IKZF3: variants seen among roughly 807,000 people sequenced by gnomAD.
IKZF3 encodes IKAROS family zinc finger 3, also known as zinc finger protein Aiolos.
A neutral mutation model predicts 49.0 loss-of-function variants in IKZF3; 10 were observed. That is an observed-to-expected ratio of 0.20 (90% CI 0.13 to 0.35). The LOEUF (loss-of-function observed/expected upper bound fraction) is 0.35, where lower values mean the gene tolerates loss of function less well. Among genes scored for constraint, IKZF3 ranks in the 10% least tolerant of loss-of-function variants. The pLI is 1.00. For synonymous variants in IKZF3, 209 were observed against 228.2 expected (o/e 0.92, Z 0.76); for missense variants, 498 against 664.8 (o/e 0.75, Z 2.76).
At chr17:39,859,496 T>C (rs950089965) in intron 1 of IKZF3, among the ~76,000 whole-genome samples, 1 of 151,912 alleles carries the variant, frequency 6.6e-6, no homozygotes, top group East Asian at 1.9e-4. Context: ...TCAAGCCATC[T>C]TCCTACCTCA....
In IKZF3 at chr17:39,796,047, A is replaced by T. The variant is rs371270246; in HGVS notation, c.164-3114T>A. Among the ~76,000 whole-genome samples, 10 of 152,158 alleles carry T rather than the reference A, an allele frequency of 6.6e-5. No individual in the cohort carries two copies. In the East Asian group the frequency reaches 9.7e-4, roughly 15 times the overall value. ...ACAGAGCGAGACGCCATCTCAAAAAAGATAAAATAAAATAAAATAAATTAG... is the reference window on the plus strand; with the variant it reads ...ACAGAGCGAGACGCCATCTCAAAAATGATAAAATAAAATAAAATAAATTAG... On this transcript the variant is annotated intron_variant, in intron 3 of 7. Coordinates refer to ENST00000346872, the MANE Select transcript of IKZF3 (RefSeq NM_012481.5).
Position 39,792,884 on chromosome 17 carries a change from A to C in IKZF3, c.213T>G (p.Val71=), listed in dbSNP as rs1182827109. 5.6e-6 allele frequency: 9 copies of C among 1,613,936 alleles called. No homozygotes were observed. The highest frequency in any genetic ancestry group is 7.6e-6 in the Non-Finnish European group (9 of 1,179,968). ...CATTTCCCATGGGTTCTGACTTTAA[A>C]ACATTCTCATCTCTTTCACTGTATT... ...KDEYSERDEN[V]LKSEPMGNAE... is the part of the protein sequence containing the mutation. The change falls in exon 4 of 8, where the codon GTT becomes GTG. Residue 71 remains valine (V), a synonymous_variant. Transcript: ENST00000346872.
intron 1 of IKZF3, chr17:39,835,853 C>A: frequency 1.7e-6 from 1 of 601,726 alleles, no homozygotes; most frequent in Non-Finnish European, 3.2e-6. Flanking sequence ...TCTCTGTATG[C>A]TTACTGATCT....
chr17:39,856,699 G>A (rs935943986), intron 1 of IKZF3, among the ~76,000 whole-genome samples: 16 of 151,716 alleles, frequency 1.1e-4, no homozygotes, highest in Admixed American at 5.9e-4. Flanking sequence ...CCAGCTGCTC[G>A]GGAGGCTGAG....
chr17:39,849,654 GA>G (rs1019564524), intron 1 of IKZF3, among the ~76,000 whole-genome samples: 2 of 150,500 alleles, frequency 1.3e-5, no homozygotes, highest in Admixed American at 1.3e-4. Context: ...TCCGTCTCAG[GA>G]AAAAAAACAA....
Position 39,777,700 on chromosome 17 carries a change from T to A in IKZF3, c.777A>T (p.Leu259Phe). 1 of 1,614,002 alleles carries A rather than the reference T, an allele frequency of 6.2e-7. No homozygotes were observed. The highest frequency in any genetic ancestry group is 8.5e-7 in the Non-Finnish European group (1 of 1,179,954). ...TTTTTCGTTTTGCCACATTGCTTGC[T>A]AATCTGTCCAGTACGAGAGCTCTTT... The part of the protein sequence containing the change: ...GSERALVLDR[L>F]ASNVAKRKSS... Residue 259 changes from leucine (L) to phenylalanine (F), a missense_variant, in exon 7 of 8, where the codon TTA (leucine) becomes TTT (phenylalanine). Physicochemically the swap from Leu to Phe is conservative, Grantham distance 22. Around this residue, in one of 3 missense-constraint regions of IKZF3, gnomAD observed 317 missense variants for 397.3 expected, o/e 0.80. Transcript: ENST00000346872.
Position 39,760,334 on chromosome 17 carries a change from T to C in IKZF3, c.*5456A>G, listed in dbSNP as rs565305279. ...ACCACACCCAGCTAATTTTTGTATT[T>C]TTTTTTTCGAGATGGAGTCTCACTC... is the stretch of plus-strand genomic sequence containing the variant. On this transcript the variant is annotated 3_prime_UTR_variant, in exon 8 of 8. Transcript: ENST00000346872. 6.6e-6 allele frequency: 1 copy of C among 151,922 alleles called. No individual in the cohort carries two copies. The highest frequency in any genetic ancestry group is 1.9e-4 in the East Asian group (1 of 5,170). The allele number at this position is 151,922 out of a possible 1,614,324, so 9.4% of individuals were successfully genotyped here.
Position 39,829,376 on chromosome 17 carries a change from C to G in IKZF3, c.163+11G>C. ...CAGGCATCAGTGTTTAGTCTGCACA[C>G]TACGGCTCACCTCCTATGTCTTCAT... On this transcript the variant is annotated intron_variant, in intron 3 of 7. Transcript: ENST00000346872. 1 of 1,594,492 alleles carries G rather than the reference C, an allele frequency of 6.3e-7. No homozygotes were observed. The highest frequency in any genetic ancestry group is 8.6e-7 in the Non-Finnish European group (1 of 1,162,154).
intron 6 of IKZF3, among the ~76,000 whole-genome samples, chr17:39,785,550 A>C (rs1206693977): frequency 6.6e-6 from 1 of 152,126 alleles, no homozygotes; most frequent in Non-Finnish European, 1.5e-5. Context: ...TGAAATTCCT[A>C]AAAAAGGTTG....
chr17:39,792,498 C>T (rs1228698987), intron 4 of IKZF3, among the ~76,000 whole-genome samples, 175 bp downstream of exon 4: 1 of 152,126 alleles, frequency 6.6e-6, no homozygotes, highest in African/African-American at 2.4e-5. Flanking sequence ...TTGCCAAATG[C>T]ATGGTGAGGC....
At chr17:39,835,205 CTT>C in intron 1 of IKZF3, 2 of 517,738 alleles carry the variant, frequency 3.9e-6, no homozygotes, top group South Asian at 3.0e-5. Context: ...GCATCCCAGA[CTT>C]CAGCTGGCTC....
At chr17:39,838,803 A>C (rs2062378771) in intron 1 of IKZF3, among the ~76,000 whole-genome samples, 1 of 152,098 alleles carries the variant, frequency 6.6e-6, no homozygotes, top group Admixed American at 6.5e-5. Flanking sequence ...TGTGAATTCT[A>C]TATGTTCCTC....
intron 2 of IKZF3, 67 bp downstream of exon 2, chr17:39,832,031 C>A: frequency 8.5e-7 from 1 of 1,180,714 alleles, no homozygotes; most frequent in Non-Finnish European, 1.2e-6. Context: ...AGAATAAGCA[C>A]ATTCCTCTCT....
chr17:39,772,315 A>G (rs931245023), intron 7 of IKZF3, among the ~76,000 whole-genome samples: 1 of 152,136 alleles, frequency 6.6e-6, no homozygotes, highest in African/African-American at 2.4e-5. Flanking sequence ...AATAACAGAA[A>G]TCCAATATTT....
At chr17:39,773,450 G>A (rs1307790532) in intron 7 of IKZF3, among the ~76,000 whole-genome samples, 1 of 152,202 alleles carries the variant, frequency 6.6e-6, no homozygotes, top group African/African-American at 2.4e-5. Context: ...GCTTCCTGTT[G>A]CTGTTAACCA....
intron 3 of IKZF3, among the ~76,000 whole-genome samples, chr17:39,804,155 T>C (rs1397819964): frequency 6.6e-6 from 1 of 152,058 alleles, no homozygotes; most frequent in Non-Finnish European, 1.5e-5. Flanking sequence ...ATTGAATGAA[T>C]GGGCCGGGTG....
In IKZF3 at chr17:39,864,194, CCTGGACTCAGCGCGCAG is replaced by C; in HGVS notation, c.-85_-69del. ...GCCTCTCCACGTGCTCCTGCCGTCG[CCTGGACTCAGCGCGCAG>C]CTGGCGGGAGATTCCCGGCGCGGGG... On this transcript the variant is annotated 5_prime_UTR_variant, in exon 1 of 8. Coordinates refer to ENST00000346872, the MANE Select transcript of IKZF3 (RefSeq NM_012481.5). 7.7e-6 allele frequency: 12 copies of C among 1,567,788 alleles called. No individual in the cohort carries two copies. The highest frequency in any genetic ancestry group is 1.0e-5 in the Non-Finnish European group (12 of 1,155,326).
At chr17:39,769,028 A>AT (rs1268614803) in intron 7 of IKZF3, among the ~76,000 whole-genome samples, 3 of 152,234 alleles carry the variant, frequency 2.0e-5, no homozygotes, top group African/African-American at 7.2e-5. Flanking sequence ...TCTCCTTAGT[A>AT]TGATCCAGGA....
intron 3 of IKZF3, among the ~76,000 whole-genome samples, chr17:39,811,307 GAA>G (rs2061551503): frequency 7.3e-6 from 1 of 137,482 alleles, no homozygotes; most frequent in Non-Finnish European, 1.5e-5. Context: ...AAGAGAAAGA[GAA>G]AGAGAGAAGG....
Sources: allele counts gnomAD v4.1 joint callset (sites outside exome capture counted in the v4.1 genomes callset), GRCh38; gene constraint gnomAD v4.1.1; regional missense constraint gnomAD v4.1.1; transcripts MANE v1.5; gene names NCBI Gene and HGNC (gene_info 2026-07-23, HGNC 2026-07-21).